The following MAEL variants were observed in gnomAD, a reference collection of about 807,000 sequenced individuals.
The protein encoded by MAEL is maelstrom spermatogenic transposon silencer.
Under a neutral mutation model 62.0 loss-of-function variants are expected in MAEL, and 46 were observed. That is an observed-to-expected ratio of 0.74 (90% CI 0.59 to 0.95). The LOEUF (loss-of-function observed/expected upper bound fraction) is 0.95. MAEL is among the 40% of genes least tolerant of loss of function. MAEL has a pLI of 0.00. For synonymous variants in MAEL, 172 were observed against 175.5 expected, an observed-to-expected ratio of 0.98 and a Z score of 0.16; for missense variants, 497 against 526.8, an observed-to-expected ratio of 0.94 and a Z score of 0.55.
chr1:166,976,736 G>C (rs1447370017), intron 1 of MAEL, among the ~76,000 whole-genome samples: 1 of 152,164 alleles, frequency 6.6e-6, no homozygotes, highest in African/African-American at 2.4e-5. Flanking sequence ...GGGAGTTCCT[G>C]GAGCAGACAG....
intron 5 of MAEL, 80 bp downstream of exon 5, chr1:166,994,149 C>A: frequency 8.1e-7 from 1 of 1,239,024 alleles, no homozygotes. Context: ...TACACACAAA[C>A]TATAAAATAA....
intron 8 of MAEL, among the ~76,000 whole-genome samples, chr1:167,015,806 T>C (rs1033098882): frequency 6.6e-6 from 1 of 152,228 alleles, no homozygotes; most frequent in Non-Finnish European, 1.5e-5. Flanking sequence ...CTGTGTATTA[T>C]GCTTGCATAT....
intron 9 of MAEL, among the ~76,000 whole-genome samples, chr1:167,016,680 TC>T (rs768083914): frequency 2.0e-5 from 3 of 152,102 alleles, no homozygotes; most frequent in Non-Finnish European, 4.4e-5. Flanking sequence ...ATATCTACAC[TC>T]CCATGTTTGT....
intron 3 of MAEL, among the ~76,000 whole-genome samples, chr1:166,991,765 TAA>T (rs1664184628): frequency 6.6e-6 from 1 of 152,136 alleles, no homozygotes; most frequent in Non-Finnish European, 1.5e-5. Context: ...TAAATATACT[TAA>T]GTTAAAAACA....
At chr1:167,005,503 C>A in intron 8 of MAEL, 106 bp downstream of exon 8, 1 of 935,656 alleles carries the variant, frequency 1.1e-6, no homozygotes, top group Non-Finnish European at 1.6e-6. Flanking sequence ...CCCATGAAAG[C>A]TTGGAATCAT....
upstream of MAEL, among the ~76,000 whole-genome samples, chr1:166,985,331 A>C (rs916925972): frequency 6.6e-5 from 10 of 152,218 alleles, no homozygotes; most frequent in African/African-American, 2.4e-4. Context: ...TCACCAAAAA[A>C]AAGGCTCTGG....
At chr1:166,977,110 G>T (rs1470694487) in intron 1 of MAEL, among the ~76,000 whole-genome samples, 1 of 152,212 alleles carries the variant, frequency 6.6e-6, no homozygotes, top group Non-Finnish European at 1.5e-5. Context: ...CAAGCCACCA[G>T]GATGCTCCAA....
chr1:166,984,586 AACAACAATTGT>A (rs1255316676), upstream of MAEL, among the ~76,000 whole-genome samples: 1 of 152,192 alleles, frequency 6.6e-6, no homozygotes. Flanking sequence ...CCCCTAAATG[AACAACAATTGT>A]ACTTAGAGCA....
chr1:166,998,035 A>G (rs1664501094), intron 5 of MAEL, among the ~76,000 whole-genome samples: 1 of 152,038 alleles, frequency 6.6e-6, no homozygotes. Flanking sequence ...TGTTCTCTTT[A>G]TTCTGTTCTG....
At position 167,009,864 on chromosome 1, in the gene MAEL, CTTGAG is replaced by C. The variant is rs1470562146; in HGVS notation, c.845+4470_845+4474del. Among the ~76,000 whole-genome samples the C allele has an allele frequency of 6.6e-5, 10 of 151,818 alleles. No individual in the cohort carries two copies. In the East Asian group the frequency reaches 9.6e-4, roughly 15 times the overall value. The stretch of plus-strand genomic sequence containing the variant: ...TTTGTCTTTTTTTTCCCCTCTCTTT[CTTGAG>C]TTAAGTAATTTCTTCATTTTTTGTT... On this transcript the variant is annotated intron_variant, in intron 8 of 11. Coordinates refer to ENST00000367872, the MANE Select transcript of MAEL (RefSeq NM_032858.3).
chr1:167,019,565 T>G (rs1233705231), intron 10 of MAEL, among the ~76,000 whole-genome samples: 1 of 152,114 alleles, frequency 6.6e-6, no homozygotes, highest in African/African-American at 2.4e-5. Flanking sequence ...ACCTTCTTGG[T>G]TCTAACTAAA....
At chr1:167,020,405 T>C (rs1289258257) in intron 10 of MAEL, among the ~76,000 whole-genome samples, 1 of 152,168 alleles carries the variant, frequency 6.6e-6, no homozygotes, top group Non-Finnish European at 1.5e-5. Flanking sequence ...GGAAAGGAAC[T>C]ACCACGCTGA....
chr1:167,017,569 A>G (rs1171132421), intron 9 of MAEL, among the ~76,000 whole-genome samples: 2 of 152,140 alleles, frequency 1.3e-5, no homozygotes, highest in Admixed American at 1.3e-4. Flanking sequence ...AATCCTGGTA[A>G]TCTTTATCTT....
chr1:167,005,334 C>G lies in MAEL; in HGVS notation c.782C>G (p.Pro261Arg). ...TACCAACAAAAATTTCTCAAGGAGCCCTCTAAGACTTGGATTCGAAGCCTC... is the reference window on the plus strand; with the variant it reads ...TACCAACAAAAATTTCTCAAGGAGCGCTCTAAGACTTGGATTCGAAGCCTC... ...GIYQQKFLKE[P>R]SKTWIRSLLD... is the part of the protein sequence containing the mutation. Residue 261 changes from proline (P) to arginine (R), a missense_variant, in exon 8 of 12, where the codon CCC becomes CGC. Coordinates refer to ENST00000367872, the MANE Select transcript of MAEL (RefSeq NM_032858.3). The G allele has an allele frequency of 6.2e-7, 1 of 1,613,590 alleles. No individual in the cohort carries two copies. Among genetic ancestry groups the G allele is most frequent in the Non-Finnish European group, 8.5e-7 (1 of 1,179,722 alleles).
chr1:167,010,539 A>G (rs1161936677), intron 8 of MAEL, among the ~76,000 whole-genome samples: 4 of 152,094 alleles, frequency 2.6e-5, no homozygotes, highest in African/African-American at 9.7e-5. Context: ...TGGAACTCCT[A>G]GAGTCAAGCA....
intron 1 of MAEL, among the ~76,000 whole-genome samples, chr1:166,983,108 G>A (rs1043551870): frequency 1.3e-5 from 2 of 152,104 alleles, no homozygotes; most frequent in Non-Finnish European, 2.9e-5. Context: ...ATACATAATA[G>A]TTTATTTATT....
chr1:166,992,882 G>GT (rs373586813), intron 4 of MAEL, 41 bp downstream of exon 4: 54,046 of 1,133,748 alleles, frequency 0.048, no homozygotes, highest in South Asian at 0.054. Context: ...AACGTGTATG[G>GT]TTTTTTTTTT....
At chr1:166,997,029 T>C (rs1664457494) in intron 5 of MAEL, among the ~76,000 whole-genome samples, 1 of 152,216 alleles carries the variant, frequency 6.6e-6, no homozygotes, top group African/African-American at 2.4e-5. Flanking sequence ...GGTTTCACCA[T>C]GTTGGCCAGG....
intron 8 of MAEL, among the ~76,000 whole-genome samples, chr1:167,006,601 C>CTATATA (rs200881169): frequency 0.05 from 4,868 of 97,022 alleles, 297 homozygotes; most frequent in Non-Finnish European, 0.067. Context: ...TGGTTTTTTA[C>CTATATA]TATATATATA....
Sources: allele counts gnomAD v4.1 joint callset (sites outside exome capture counted in the v4.1 genomes callset), GRCh38; gene constraint gnomAD v4.1.1; transcripts MANE v1.5; gene names NCBI Gene and HGNC (gene_info 2026-07-23, HGNC 2026-07-21).